The following SACS variants were observed in gnomAD, a reference collection of about 807,000 sequenced individuals.
SACS encodes sacsin molecular chaperone.
A neutral mutation model predicts 348.0 loss-of-function variants in SACS; 197 were observed. The observed-to-expected ratio is 0.57, with a 90% CI of 0.50 to 0.64. The LOEUF is 0.64. SACS is among the 30% of genes least tolerant of loss of function. The pLI, the probability that SACS is intolerant of heterozygous loss-of-function variation, is 0.00. For synonymous variants in SACS, 1,985 were observed against 1,910.6 expected (o/e 1.04, Z -1.02); for missense variants, 4,999 against 5,360.8 (o/e 0.93, Z 2.11).
chr13:23,400,180 A>C (rs1310090957), intron 2 of SACS, among the ~76,000 whole-genome samples: 1 of 152,192 alleles, frequency 6.6e-6, no homozygotes, highest in Non-Finnish European at 1.5e-5. Context: ...GAGATTTAGC[A>C]GGGCAATTTC....
At chr13:23,391,758 A>C (rs991308664) in intron 2 of SACS, among the ~76,000 whole-genome samples, 10 of 152,084 alleles carry the variant, frequency 6.6e-5, no homozygotes, top group African/African-American at 2.4e-4. Context: ...AATACTCCAC[A>C]CAGTATGATC....
Position 23,426,635 on chromosome 13 carries a change from G to A in SACS, c.-502+6980C>T, listed in dbSNP as rs1173503020. Among the ~76,000 whole-genome samples, 36 of 59,468 alleles carry A rather than the reference G, an allele frequency of 6.1e-4. 1 individual carries two copies. The highest frequency in any genetic ancestry group is 2.0e-3 in the African/African-American group (34 of 17,360). The allele number at this position is 59,468 out of a possible 152,430, so 39.0% of individuals were successfully genotyped here. On this transcript the variant is annotated intron_variant, in intron 1 of 9. Coordinates refer to ENST00000382292, the MANE Select transcript of SACS (RefSeq NM_014363.6). ...AGCCTGGGTGACAGAGTGAGACTCC[G>A]TCTCAAAAAAAAAAAAAAAAAAGAA...
At chr13:23,398,820 G>T (rs1037357159) in intron 2 of SACS, among the ~76,000 whole-genome samples, 3 of 151,590 alleles carry the variant, frequency 2.0e-5, no homozygotes, top group African/African-American at 7.3e-5. Flanking sequence ...GGACTTAAAA[G>T]GATGCCTGGT....
intron 6 of SACS, among the ~76,000 whole-genome samples, chr13:23,363,290 G>T (rs1384976312): frequency 2.0e-5 from 3 of 148,986 alleles, no homozygotes; most frequent in Non-Finnish European, 4.5e-5. Flanking sequence ...TGCAATAGTG[G>T]GGTCTTGGCT....
chr13:23,416,927 A>T (rs1343805837), intron 1 of SACS, among the ~76,000 whole-genome samples: 1 of 152,130 alleles, frequency 6.6e-6, no homozygotes, highest in East Asian at 1.9e-4. Context: ...AGGGGAAGGA[A>T]GAGGGGAACA....
chr13:23,355,756 G>T lies in SACS; in HGVS notation c.856C>A (p.Leu286Ile). 1 of 1,614,170 alleles carries T rather than the reference G, an allele frequency of 6.2e-7. No individual in the cohort carries two copies. The highest frequency in any genetic ancestry group is 1.7e-5 in the Admixed American group (1 of 60,028). The change falls in exon 8 of 10, where the codon CTC (leucine) becomes ATC (isoleucine). Residue 286 changes from leucine to isoleucine, a missense_variant. Coordinates refer to ENST00000382292, the MANE Select transcript of SACS (RefSeq NM_014363.6). ...RLQPSQLSSNLYNKQKVLELF... is the reference protein window; with the variant it reads ...RLQPSQLSSNIYNKQKVLELF... ...TCAAGAACCTTCTGCTTATTGTAGA[G>T]GTTACTACTAAGTTGTGAAGGTTGT... is the stretch of plus-strand genomic sequence containing the variant.
At position 23,336,589 on chromosome 13, in the gene SACS, A is replaced by T; in HGVS notation, c.7287T>A (p.Ser2429Arg). The T allele has an allele frequency of 6.2e-7, 1 of 1,613,640 alleles. No homozygotes were observed. Among genetic ancestry groups the T allele is most frequent in the Non-Finnish European group, 8.5e-7 (1 of 1,179,736 alleles). ...ENFQLCRRII[S>R]EGIWSLIREK... ...CTCTAATGAGACTCCATATTCCTTCACTGATTATTCGTCGGCAAAGCTGAA... is the reference window on the plus strand; with the variant it reads ...CTCTAATGAGACTCCATATTCCTTCTCTGATTATTCGTCGGCAAAGCTGAA... The change falls in exon 10 of 10, where the codon AGT (serine) becomes AGA (arginine). Residue 2429 changes from serine to arginine, a missense_variant. Coordinates refer to ENST00000382292, the MANE Select transcript of SACS (RefSeq NM_014363.6).
chr13:23,398,129 T>C (rs1372955344), intron 2 of SACS, among the ~76,000 whole-genome samples: 1 of 151,710 alleles, frequency 6.6e-6, no homozygotes, highest in African/African-American at 2.4e-5. Context: ...AGGTGGAGGT[T>C]GCAGTGAGCC....
Position 23,353,827 on chromosome 13 carries a change from G to C in SACS, c.2143C>G (p.Pro715Ala). 1 of 1,611,454 alleles carries C rather than the reference G, an allele frequency of 6.2e-7. No individual in the cohort carries two copies. Among genetic ancestry groups the C allele is most frequent in the African/African-American group, 1.3e-5 (1 of 74,972 alleles). The change falls in exon 9 of 10, where the codon CCT (proline) becomes GCT (alanine). Residue 715 changes from proline to alanine, a missense_variant. Physicochemically the swap from Pro to Ala is conservative, Grantham distance 27 (BLOSUM62 -1). Coordinates refer to ENST00000382292, the MANE Select transcript of SACS (RefSeq NM_014363.6). ...EGRFILDNLKPHLVAALKEAA... is the reference protein window; with the variant it reads ...EGRFILDNLKAHLVAALKEAA... ...TCCTTTAAAGCAGCCACAAGGTGAG[G>C]TTTCAAGTTATCCAAAATAAATCTT...
rs1342393338 is a variant in SACS, at chr13:23,400,906, T to C, written c.20+10314A>G. Among the ~76,000 whole-genome samples the C allele has an allele frequency of 3.9e-5, 6 of 152,152 alleles. 1 individual carries two copies. The highest frequency in any genetic ancestry group is 1.4e-4 in the African/African-American group (6 of 41,448). The stretch of plus-strand genomic sequence containing the variant: ...AGGCCCTTGGAAAATCCTCCCAAAT[T>C]TGTTCTTTCACCTTGTAAATAGAGT... On this transcript the variant is annotated intron_variant, in intron 2 of 9. Transcript: ENST00000382292.
chr13:23,377,620 G>A (rs1376166750), intron 2 of SACS, among the ~76,000 whole-genome samples: 1 of 152,052 alleles, frequency 6.6e-6, no homozygotes, highest in East Asian at 1.9e-4. Context: ...CATCACATTC[G>A]CTCTCGGAGC....
rs1883677510 is a variant in SACS, at chr13:23,334,176, A to T, written c.9700T>A (p.Trp3234Arg). 6.2e-7 allele frequency: 1 copy of T among 1,613,856 alleles called. No homozygotes were observed. Among genetic ancestry groups the T allele is most frequent in the Non-Finnish European group, 8.5e-7 (1 of 1,179,830 alleles). Residue 3234 changes from tryptophan (W) to arginine (R), a missense_variant, in exon 10 of 10, where the codon TGG (tryptophan) becomes AGG (arginine). By Grantham distance (101) the Trp-to-Arg change is moderately radical (BLOSUM62 -3). Transcript: ENST00000382292. ...GACTCACTTGCAAAATTGTCTTTCC[A>T]CTTTGTGCAACTTTTGGTCTTATAT... ...REYKTKSCTK[W>R]KDNFASESWL...
At chr13:23,346,644 T>C (rs1435465106) in intron 9 of SACS, among the ~76,000 whole-genome samples, 1 of 152,226 alleles carries the variant, frequency 6.6e-6, no homozygotes, top group African/African-American at 2.4e-5. Context: ...AATAAAAATC[T>C]GTATTAGTAT....
rs1566066490 is a variant in SACS at position 23,337,791 on chromosome 13, G to A, written c.6085C>T (p.Leu2029Phe). 3 of 1,613,916 alleles carry A rather than the reference G, an allele frequency of 1.9e-6. 1 individual carries two copies. The South Asian group carries it at 3.3e-5, about 18-fold the overall frequency. The change falls in exon 10 of 10, where the codon CTT (leucine) becomes TTT (phenylalanine). Residue 2029 changes from leucine to phenylalanine, a missense_variant. Leu to Phe is a conservative substitution (Grantham distance 22, BLOSUM62 0). Around this residue, in one of 6 missense-constraint regions of SACS, gnomAD observed 3,156 missense variants for 3,380.1 expected, o/e 0.93. Transcript: ENST00000382292. ...AATCCTAATTTTACCGAAGAAGGAA[G>A]TTCAACAGCACAAAGGTTTTTGGAC... ...TGSKNLCAVE[L>F]PSSVKLGFEE...
At chr13:23,346,423 C>T (rs1210376527) in intron 9 of SACS, among the ~76,000 whole-genome samples, 1 of 152,198 alleles carries the variant, frequency 6.6e-6, no homozygotes, top group South Asian at 2.1e-4. Context: ...GGATTACAGG[C>T]GTGAGCCACC....
intron 6 of SACS, among the ~76,000 whole-genome samples, chr13:23,360,906 C>T (rs1389297146): frequency 6.6e-6 from 1 of 152,076 alleles, no homozygotes; most frequent in Non-Finnish European, 1.5e-5. Context: ...AATCGCACAC[C>T]ACCACACCCA....
intron 2 of SACS, among the ~76,000 whole-genome samples, chr13:23,383,575 C>T (rs1193048289): frequency 6.6e-6 from 1 of 152,112 alleles, no homozygotes; most frequent in East Asian, 1.9e-4. Flanking sequence ...GCACCTTTCT[C>T]AGCCCATTCT....
At chr13:23,375,018 C>T in intron 3 of SACS, 101 bp downstream of exon 3, 1 of 1,214,422 alleles carries the variant, frequency 8.2e-7, no homozygotes, top group South Asian at 2.2e-5. Flanking sequence ...CGGAGTCATT[C>T]GCGCCGCCCG....
In SACS at chr13:23,337,038, C is replaced by CT. The variant is rs748765057; in HGVS notation, c.6837dup (p.Glu2280ArgfsTer12). 6.2e-7 allele frequency: 1 copy of CT among 1,613,940 alleles called. No individual in the cohort carries two copies. Among genetic ancestry groups the CT allele is most frequent in the Non-Finnish European group, 8.5e-7 (1 of 1,179,892 alleles). Reference sequence around the variant, plus strand: ...GGCTTCTTGAGTAATCCCAAAAACTCTTTAACAGCCAATGACACTGAACCA... The same window carrying CT: ...GGCTTCTTGAGTAATCCCAAAAACTCTTTTAACAGCCAATGACACTGAACCA... On this transcript the variant is annotated frameshift_variant, in exon 10 of 10. Transcript: ENST00000382292. LOFTEE classifies it high-confidence loss of function.
Sources: gnomAD v4.1 joint callset for allele counts (sites outside exome capture counted in the v4.1 genomes callset) on GRCh38, gnomAD v4.1.1 for gene constraint, gnomAD v4.1.1 regional missense constraint, MANE v1.5 for transcripts, NCBI Gene and HGNC (gene_info 2026-07-23, HGNC 2026-07-21) for gene names.